Variants in CYB5R3 observed in about 807,000 individuals in gnomAD.
CYB5R3 encodes NADH-cytochrome b5 reductase 3.
In CYB5R3, 28 loss-of-function variants were observed where a neutral mutation model predicts 36.5. The observed-to-expected ratio is 0.77, with a 90% CI of 0.57 to 1.05. CYB5R3 has a LOEUF of 1.05. CYB5R3 is among the 50% of genes least tolerant of loss of function. The pLI, the probability that CYB5R3 is intolerant of heterozygous loss-of-function variation, is 0.00. For missense variants in CYB5R3, 474 were observed against 408.9 expected (o/e 1.16, Z -1.37); for synonymous variants, 181 against 159.8 (o/e 1.13, Z -1.00).
At chr22:42,629,834 A>G (rs1928515231) in intron 4 of CYB5R3, among the ~76,000 whole-genome samples, 1 of 151,710 alleles carries the variant, frequency 6.6e-6, no homozygotes, top group Non-Finnish European at 1.5e-5. Context: ...CTCTCATTCT[A>G]TTGCCCAGGC....
At position 42,630,952 on chromosome 22, in the gene CYB5R3, T is replaced by C; in HGVS notation, c.263A>G (p.Asn88Ser). ...HIYLSARIDG[N>S]LVVRPYTPIS... Reference sequence around the variant, plus strand: ...GGGTGTATAGGGCCGGACGACCAGGTTTCCATCAATTCGAGCCGAGAGGTA... The same window carrying C: ...GGGTGTATAGGGCCGGACGACCAGGCTTCCATCAATTCGAGCCGAGAGGTA... The change falls in exon 4 of 9, where the codon AAC becomes AGC. Residue 88 changes from asparagine to serine, a missense_variant. Asn to Ser is a conservative substitution (Grantham distance 46, BLOSUM62 1). Coordinates refer to ENST00000352397, the MANE Select transcript of CYB5R3 (RefSeq NM_000398.7). 1 of 1,613,896 alleles carries C rather than the reference T, an allele frequency of 6.2e-7. No individual in the cohort carries two copies. Among genetic ancestry groups the C allele is most frequent in the Non-Finnish European group, 8.5e-7 (1 of 1,179,968 alleles).
At chr22:42,630,464 C>T (rs538937401) in intron 4 of CYB5R3, among the ~76,000 whole-genome samples, 2 of 152,342 alleles carry the variant, frequency 1.3e-5, no homozygotes, top group South Asian at 4.1e-4. Context: ...AGAGCAGGGA[C>T]GGGACTGCGC....
At chr22:42,648,043 T>C (rs1405459627) in intron 1 of CYB5R3, among the ~76,000 whole-genome samples, 4 of 152,150 alleles carry the variant, frequency 2.6e-5, no homozygotes, top group Non-Finnish European at 5.9e-5. Flanking sequence ...AGGAGGCAGA[T>C]GCTTTCTGGG....
At position 42,618,793 on chromosome 22, in the gene CYB5R3, C is replaced by T. The variant is rs1020610628; in HGVS notation, c.*980G>A. ...CCCCTTGTGTTGCAGGTCACAGACCCTCGAGGAGCTAGAGAAGGGTTAATA... is the reference window on the plus strand; with the variant it reads ...CCCCTTGTGTTGCAGGTCACAGACCTTCGAGGAGCTAGAGAAGGGTTAATA... On this transcript the variant is annotated 3_prime_UTR_variant, in exon 9 of 9. Coordinates refer to ENST00000352397, the MANE Select transcript of CYB5R3 (RefSeq NM_000398.7). 6.6e-6 allele frequency: 1 copy of T among 151,080 alleles called. No individual in the cohort carries two copies. Among genetic ancestry groups the T allele is most frequent in the Non-Finnish European group, 1.5e-5 (1 of 67,878 alleles). The allele number at this position is 151,080 out of a possible 1,614,324, so 9.4% of individuals were successfully genotyped here.
intron 1 of CYB5R3, 89 bp downstream of exon 1, chr22:42,649,206 G>C: frequency 1.8e-6 from 1 of 571,016 alleles, no homozygotes; most frequent in South Asian, 4.2e-5. Flanking sequence ...CGGGTCCCGC[G>C]TCACCTCCCG....
At chr22:42,628,612 C>T (rs769242066) in intron 4 of CYB5R3, among the ~76,000 whole-genome samples, 1 of 152,314 alleles carries the variant, frequency 6.6e-6, no homozygotes, top group African/African-American at 2.4e-5. Flanking sequence ...ACACTGAACC[C>T]GTCAGCAAAG....
chr22:42,643,870 C>A lies in CYB5R3; in HGVS notation c.21+5425G>T, dbSNP rs539001991. On this transcript the variant is annotated intron_variant, in intron 1 of 8. Coordinates refer to ENST00000352397, the MANE Select transcript of CYB5R3 (RefSeq NM_000398.7). The stretch of plus-strand genomic sequence containing the variant: ...ATGGGGAGGGTGGGGAGGAAGGAGG[C>A]ACACAGCGGTCAGCGCCCCTGAGCT... 2.9e-3 allele frequency among the ~76,000 whole-genome samples: 445 copies of A among 152,218 alleles called. 5 individuals are homozygous for A. The highest frequency in any genetic ancestry group is 9.9e-3 in the African/African-American group (412 of 41,526).
rs767006376 is a variant in CYB5R3, at chr22:42,636,775, C to T, written c.93G>A (p.Thr31=). The change falls in exon 2 of 9, where the codon ACG becomes ACA. Residue 31 remains threonine (T), a synonymous_variant. Transcript: ENST00000352397. ...CCGGGCTCTCGAGGGTGATGGCTGG[C>T]GTGGAGCGCTGGAACAGCTTCATGA... The part of the protein sequence containing the change: ...SLLMKLFQRS[T]PAITLESPDI... 32 of 1,613,794 alleles carry T rather than the reference C, an allele frequency of 2.0e-5. No individual in the cohort carries two copies. In the South Asian group the frequency reaches 3.1e-4, roughly 16 times the overall value.
intron 8 of CYB5R3, among the ~76,000 whole-genome samples, chr22:42,622,779 C>T (rs571956421): frequency 2.0e-5 from 3 of 152,352 alleles, no homozygotes; most frequent in African/African-American, 4.8e-5. Context: ...GTGTGCGCCC[C>T]CCACCATGGA....
In CYB5R3 at chr22:42,649,284, TCC is replaced by T; in HGVS notation, c.21+9_21+10del. ...GACGCCCCGCGGCCCCGGCGCCCCC[TCC>T]CCGCCTACCGTGCTGAGCTGGGCCC... On this transcript the variant is annotated intron_variant, in intron 1 of 8. Transcript: ENST00000352397. The T allele has an allele frequency of 1.0e-6, 1 of 981,612 alleles. No homozygotes were observed. Among genetic ancestry groups the T allele is most frequent in the Non-Finnish European group, 1.2e-6 (1 of 817,692 alleles). 60.8% of individuals were successfully genotyped at this position (981,612 alleles called of 1,614,324 possible). A position where few individuals can be genotyped will look rare whatever the true frequency, so the allele number is the denominator to read the frequency against.
chr22:42,641,862 G>A (rs973205245), intron 1 of CYB5R3, among the ~76,000 whole-genome samples: 1 of 151,982 alleles, frequency 6.6e-6, no homozygotes, highest in Non-Finnish European at 1.5e-5. Flanking sequence ...GACCTCAAGT[G>A]ATCCACCCGC....
chr22:42,631,041 C>A (rs1285888089), intron 3 of CYB5R3, 53 bp from the exon 4 acceptor site: 3 of 1,520,628 alleles, frequency 2.0e-6, no homozygotes, highest in Non-Finnish European at 2.7e-6. Context: ...GCGGGTGACC[C>A]CTGGGTCTTG....
chr22:42,626,967 A>G (rs1007916252), intron 7 of CYB5R3, among the ~76,000 whole-genome samples: 4 of 152,222 alleles, frequency 2.6e-5, no homozygotes, highest in East Asian at 1.9e-4. Flanking sequence ...GGGCCCCTCC[A>G]TGTCCAGGCC....
At chr22:42,628,058 ACAGAGC>A in intron 5 of CYB5R3, 88 bp downstream of exon 5, 1 of 1,556,558 alleles carries the variant, frequency 6.4e-7, no homozygotes, top group Non-Finnish European at 8.8e-7. Flanking sequence ...ACCCATCCAC[ACAGAGC>A]CAGGGGCCTG....
chr22:42,619,686 C>T lies in CYB5R3; in HGVS notation c.*87G>A. 1 of 1,388,406 alleles carries T rather than the reference C, an allele frequency of 7.2e-7. No homozygotes were observed. Among genetic ancestry groups the T allele is most frequent in the Non-Finnish European group, 9.7e-7 (1 of 1,030,054 alleles). 86.0% of individuals were successfully genotyped at this position (1,388,406 alleles called of 1,614,324 possible). A position where few individuals can be genotyped will look rare whatever the true frequency, so the allele number is the denominator to read the frequency against. ...GCAGGCCAGGCTGAACCCGGGGCCC[C>T]AGTGTGCGATGTGGGGAGGTGACTG... On this transcript the variant is annotated 3_prime_UTR_variant, in exon 9 of 9. Coordinates refer to ENST00000352397, the MANE Select transcript of CYB5R3 (RefSeq NM_000398.7).
intron 8 of CYB5R3, among the ~76,000 whole-genome samples, chr22:42,621,069 T>G (rs749244270): frequency 3.3e-5 from 5 of 152,224 alleles, no homozygotes; most frequent in South Asian, 2.1e-4. Flanking sequence ...AGCTGGGCAA[T>G]GGATCTGAAG....
In CYB5R3 at chr22:42,619,962, C is replaced by G; in HGVS notation, c.734-17G>C. ...AGTCCCAGGCTGTGGGGTGAGAGAC[C>G]AGGTAAGCTGACGTGTGGCTGTGTG... On this transcript the variant is annotated splice_polypyrimidine_tract_variant and intron_variant, in intron 8 of 8. Transcript: ENST00000352397. The G allele has an allele frequency of 6.3e-7, 1 of 1,584,904 alleles. No homozygotes were observed. The highest frequency in any genetic ancestry group is 8.6e-7 in the Non-Finnish European group (1 of 1,164,874).
chr22:42,627,272 TGA>T, intron 7 of CYB5R3, 30 bp downstream of exon 7: 1 of 1,597,626 alleles, frequency 6.3e-7, no homozygotes, highest in Non-Finnish European at 8.6e-7. Flanking sequence ...CAGGGTAAGC[TGA>T]GTTTCCCCAT....
At chr22:42,630,688 C>T (rs1569320746) in intron 4 of CYB5R3, among the ~76,000 whole-genome samples, 194 bp downstream of exon 4, 2 of 152,160 alleles carry the variant, frequency 1.3e-5, no homozygotes, top group African/African-American at 2.4e-5. Context: ...GTCCGGGCTG[C>T]GGGGGGACAT....
Sources: gnomAD v4.1 joint callset for allele counts (sites outside exome capture counted in the v4.1 genomes callset) on GRCh38, gnomAD v4.1.1 for gene constraint, MANE v1.5 for transcripts, NCBI Gene and HGNC (gene_info 2026-07-23, HGNC 2026-07-21) for gene names.